SLC35D4: variants seen among roughly 807,000 people sequenced by gnomAD.
SLC35D4 encodes solute carrier family 35 member D4.
chr18:23,241,455 C>A, the SLC35D4 span, among the ~76,000 whole-genome samples: 1 of 150,404 alleles, frequency 6.6e-6, no homozygotes, highest in Non-Finnish European at 1.5e-5. Flanking sequence ...CGCTTAAACC[C>A]GGGAGGTGGA....
At chr18:23,332,066 T>A in the SLC35D4 span, among the ~76,000 whole-genome samples, 1 of 151,378 alleles carries the variant, frequency 6.6e-6, no homozygotes, top group Non-Finnish European at 1.5e-5. Context: ...AAAAAGAATT[T>A]TTTTTTTTTG....
At chr18:23,246,567 G>A in the SLC35D4 span, among the ~76,000 whole-genome samples, 207 of 151,642 alleles carry the variant, frequency 1.4e-3, 1 homozygote, top group Middle Eastern at 3.4e-3. Context: ...AATTTTTTGT[G>A]TTTTTAGTAG....
At chr18:23,282,318 C>T in the SLC35D4 span, among the ~76,000 whole-genome samples, 1 of 152,188 alleles carries the variant, frequency 6.6e-6, no homozygotes, top group Admixed American at 6.5e-5. Flanking sequence ...GACTCCCCCC[C>T]AGTTGATCCT....
chr18:23,437,921 CGCA>C, the SLC35D4 span: 43 of 1,525,786 alleles, frequency 2.8e-5, no homozygotes, highest in Non-Finnish European at 3.5e-5. Flanking sequence ...GCCCGACCCC[CGCA>C]GCAGCAGCAG....
the SLC35D4 span, chr18:23,309,652 A>G: frequency 6.8e-6 from 11 of 1,607,256 alleles, no homozygotes; most frequent in Admixed American, 1.8e-4. Flanking sequence ...ACTAATTGGC[A>G]CTTTATCTCT....
the SLC35D4 span, chr18:23,257,164 T>C: frequency 1.2e-5 from 19 of 1,579,366 alleles, no homozygotes; most frequent in Middle Eastern, 3.3e-4. Flanking sequence ...GAAGCTGCAA[T>C]TGCAGAAAGA....
At chr18:23,264,664 AT>A in the SLC35D4 span, among the ~76,000 whole-genome samples, 1 of 151,742 alleles carries the variant, frequency 6.6e-6, no homozygotes, top group African/African-American at 2.4e-5. Context: ...CCCAGCCGTC[AT>A]TTTTTTATTT....
the SLC35D4 span, among the ~76,000 whole-genome samples, chr18:23,429,972 T>C: frequency 1.3e-5 from 2 of 152,224 alleles, no homozygotes; most frequent in African/African-American, 4.8e-5. Flanking sequence ...GTTTACTCTG[T>C]TAATAGTTTC....
the SLC35D4 span, among the ~76,000 whole-genome samples, chr18:23,328,732 G>C: frequency 6.6e-6 from 1 of 152,182 alleles, no homozygotes; most frequent in African/African-American, 2.4e-5. Context: ...AATCAAAAAA[G>C]AGCCCGCATT....
At chr18:23,332,063 A>AT in the SLC35D4 span, among the ~76,000 whole-genome samples, 100,082 of 147,578 alleles carry the variant, frequency 0.68, 33,919 homozygotes, top group Middle Eastern at 0.79. Context: ...TTTAAAAAGA[A>AT]TTTTTTTTTT....
At chr18:23,282,393 C>T in the SLC35D4 span, among the ~76,000 whole-genome samples, 3 of 152,178 alleles carry the variant, frequency 2.0e-5, no homozygotes, top group Admixed American at 6.5e-5. Context: ...ACTGCGAGTC[C>T]GGCCACTGAA....
the SLC35D4 span, among the ~76,000 whole-genome samples, chr18:23,336,862 G>A: frequency 6.6e-6 from 1 of 152,160 alleles, no homozygotes; most frequent in African/African-American, 2.4e-5. Context: ...ATGCAAGGAT[G>A]ACTAGAAAGA....
chr18:23,398,447 T>C, the SLC35D4 span, among the ~76,000 whole-genome samples: 2 of 152,064 alleles, frequency 1.3e-5, no homozygotes, highest in African/African-American at 4.8e-5. Context: ...GGCCAAAGGG[T>C]ATAAACTGAG....
chr18:23,241,845 G>A, the SLC35D4 span, among the ~76,000 whole-genome samples: 2 of 152,168 alleles, frequency 1.3e-5, no homozygotes, highest in African/African-American at 4.8e-5. Flanking sequence ...CAGAGGTGAA[G>A]CCTGTCATTT....
the SLC35D4 span, among the ~76,000 whole-genome samples, chr18:23,245,363 TAGCC>T: frequency 4.6e-5 from 7 of 151,794 alleles, no homozygotes; most frequent in African/African-American, 1.7e-4. Flanking sequence ...ACAAAAAAAA[TAGCC>T]AGGCGTGGTG....
the SLC35D4 span, among the ~76,000 whole-genome samples, chr18:23,418,424 T>C: frequency 2.0e-5 from 3 of 149,984 alleles, no homozygotes; most frequent in Admixed American, 6.6e-5. Context: ...CAGGCTGGAG[T>C]GCAGTGGCGT....
chr18:23,333,038 A>G, the SLC35D4 span, among the ~76,000 whole-genome samples: 1 of 152,220 alleles, frequency 6.6e-6, no homozygotes, highest in African/African-American at 2.4e-5. Flanking sequence ...ACATTTGCTG[A>G]CATAACATCT....
chr18:23,318,742 T>C, the SLC35D4 span, among the ~76,000 whole-genome samples: 11 of 152,332 alleles, frequency 7.2e-5, no homozygotes, highest in East Asian at 1.9e-3. Flanking sequence ...TGTGATATGA[T>C]ATGTGATTCA....
chr18:23,308,878 G>C, the SLC35D4 span, among the ~76,000 whole-genome samples: 701 of 98,636 alleles, frequency 7.1e-3, 6 homozygotes, highest in African/African-American at 0.016. Flanking sequence ...CTCTCTCTCT[G>C]TGTGTGTGTG....
Sources: allele counts gnomAD v4.1 joint callset (sites outside exome capture counted in the v4.1 genomes callset), GRCh38; gene constraint gnomAD v4.1.1; transcripts MANE v1.5; gene names NCBI Gene and HGNC (gene_info 2026-07-23, HGNC 2026-07-21).